The following AKAP19 variants were observed in gnomAD, a reference collection of about 807,000 sequenced individuals.
The protein encoded by AKAP19 is small A-kinase anchoring protein.
chr2:189,919,246 G>A, the AKAP19 span, among the ~76,000 whole-genome samples: 1 of 152,114 alleles, frequency 6.6e-6, no homozygotes, highest in Non-Finnish European at 1.5e-5. Flanking sequence ...TGGGGGAAGG[G>A]ATAGATGGAG....
At chr2:190,081,601 C>T in the AKAP19 span, among the ~76,000 whole-genome samples, 4 of 152,258 alleles carry the variant, frequency 2.6e-5, no homozygotes, top group South Asian at 8.3e-4. Context: ...AATTTGCGTG[C>T]CTTTTTTCTG....
chr2:190,115,901 C>T, the AKAP19 span, among the ~76,000 whole-genome samples: 3 of 152,140 alleles, frequency 2.0e-5, no homozygotes, highest in East Asian at 1.9e-4. Context: ...TCTTGCTTTC[C>T]GTCTTCCTGA....
At chr2:189,915,040 T>C in the AKAP19 span, among the ~76,000 whole-genome samples, 1 of 152,148 alleles carries the variant, frequency 6.6e-6, no homozygotes, top group Non-Finnish European at 1.5e-5. Flanking sequence ...TTCACTGCAA[T>C]GTGATTATTA....
the AKAP19 span, among the ~76,000 whole-genome samples, chr2:190,127,182 G>T: frequency 7.2e-6 from 1 of 138,484 alleles, no homozygotes; most frequent in Non-Finnish European, 1.5e-5. Context: ...AGCAATATGT[G>T]CCCTGACTGG....
At chr2:189,964,640 G>A in the AKAP19 span, among the ~76,000 whole-genome samples, 1 of 152,148 alleles carries the variant, frequency 6.6e-6, no homozygotes, top group Non-Finnish European at 1.5e-5. Context: ...ATCAGCACTA[G>A]CTGCTTCACC....
At chr2:189,973,110 G>A in the AKAP19 span, among the ~76,000 whole-genome samples, 3 of 152,258 alleles carry the variant, frequency 2.0e-5, no homozygotes, top group African/African-American at 7.2e-5. Flanking sequence ...TATGATATTG[G>A]CTGTGGGTTT....
chr2:190,171,475 C>T, the AKAP19 span, among the ~76,000 whole-genome samples: 4 of 140,630 alleles, frequency 2.8e-5, no homozygotes, highest in African/African-American at 1.1e-4. Flanking sequence ...AATCAATCTG[C>T]ATTGTAAAGT....
the AKAP19 span, among the ~76,000 whole-genome samples, chr2:190,015,947 A>T: frequency 6.6e-6 from 1 of 152,166 alleles, no homozygotes; most frequent in East Asian, 1.9e-4. Flanking sequence ...AGTTCCCAAG[A>T]AGTCCCTCAT....
At chr2:189,996,907 G>C in the AKAP19 span, among the ~76,000 whole-genome samples, 180 of 152,276 alleles carry the variant, frequency 1.2e-3, 1 homozygote, top group Middle Eastern at 3.4e-3. Context: ...CTCTGGGCTG[G>C]TGTTGGGGAA....
the AKAP19 span, among the ~76,000 whole-genome samples, chr2:190,145,662 A>C: frequency 7.9e-5 from 12 of 152,218 alleles, no homozygotes; most frequent in East Asian, 2.1e-3. Context: ...CCTAGGAGCA[A>C]TAGGCTATAT....
the AKAP19 span, among the ~76,000 whole-genome samples, chr2:190,162,736 G>A: frequency 6.6e-6 from 1 of 152,090 alleles, no homozygotes; most frequent in Non-Finnish European, 1.5e-5. Context: ...CTTAAGCTCC[G>A]ATGGACATAT....
chr2:189,949,631 C>CTTTTTTTTTTT, the AKAP19 span, among the ~76,000 whole-genome samples: 13 of 117,762 alleles, frequency 1.1e-4, no homozygotes, highest in South Asian at 5.7e-4. Context: ...CTTTTTCTTT[C>CTTTTTTTTTTT]TTTTTTTTTT....
chr2:189,930,546 C>A, the AKAP19 span: 1 of 214,724 alleles, frequency 4.7e-6, no homozygotes, highest in Non-Finnish European at 9.3e-6. Context: ...CGTGGTGGCG[C>A]GCCCCTGTAG....
chr2:190,015,389 T>C, the AKAP19 span, among the ~76,000 whole-genome samples: 2 of 152,342 alleles, frequency 1.3e-5, no homozygotes, highest in East Asian at 1.9e-4. Flanking sequence ...CAGCCTCAGC[T>C]GTACATTGGC....
At chr2:190,052,515 G>A in the AKAP19 span, among the ~76,000 whole-genome samples, 5 of 152,158 alleles carry the variant, frequency 3.3e-5, no homozygotes, top group African/African-American at 7.2e-5. Flanking sequence ...GAGAGGTAAT[G>A]CCAAGGTTCT....
chr2:190,108,136 T>C, the AKAP19 span, among the ~76,000 whole-genome samples: 3 of 152,058 alleles, frequency 2.0e-5, no homozygotes, highest in Non-Finnish European at 4.4e-5. Flanking sequence ...GTTAAATTTA[T>C]TATTGTAAAA....
chr2:189,894,957 G>A, the AKAP19 span, among the ~76,000 whole-genome samples: 1 of 151,148 alleles, frequency 6.6e-6, no homozygotes, highest in South Asian at 2.1e-4. Flanking sequence ...AAAATATTGA[G>A]TATTAAACAT....
chr2:190,152,528 T>C, the AKAP19 span, among the ~76,000 whole-genome samples: 144 of 152,368 alleles, frequency 9.5e-4, no homozygotes, highest in African/African-American at 3.3e-3. Flanking sequence ...TTCTTAATTA[T>C]TGATGCATTA....
chr2:190,157,393 C>CACAT, the AKAP19 span, among the ~76,000 whole-genome samples: 5 of 149,236 alleles, frequency 3.4e-5, no homozygotes, highest in East Asian at 2.0e-4. Context: ...CACACACACA[C>CACAT]ATATCACAGG....
Sources: allele counts gnomAD v4.1 joint callset (sites outside exome capture counted in the v4.1 genomes callset), GRCh38; gene constraint gnomAD v4.1.1; transcripts MANE v1.5; gene names NCBI Gene and HGNC (gene_info 2026-07-23, HGNC 2026-07-21).